The following CCSER2 variants were observed in gnomAD, a reference collection of about 807,000 sequenced individuals.
The protein encoded by CCSER2 is coiled-coil serine rich protein 2, also known as serine-rich coiled-coil domain-containing protein 2.
CCSER2 carries 46 observed loss-of-function variants against 92.3 expected under a neutral mutation model. The ratio of observed to expected loss-of-function variants is 0.50; its 90% CI spans 0.39 to 0.64. The LOEUF (loss-of-function observed/expected upper bound fraction) is 0.64. CCSER2 is among the 30% of genes least tolerant of loss of function. The pLI is 0.00. For missense variants in CCSER2, 1,244 were observed against 1,238.9 expected (o/e 1.00, Z -0.06); for synonymous variants, 433 against 431.4 (o/e 1.00, Z -0.04).
chr10:84,490,071 A>T (rs1010445656), intron 9 of CCSER2, among the ~76,000 whole-genome samples: 3 of 151,986 alleles, frequency 2.0e-5, no homozygotes, highest in Non-Finnish European at 4.4e-5. Context: ...ATTGGCCCCC[A>T]CTCTCTTCTG....
At chr10:84,344,527 A>G (rs1399067261) in intron 1 of CCSER2, among the ~76,000 whole-genome samples, 5 of 151,934 alleles carry the variant, frequency 3.3e-5, no homozygotes, top group African/African-American at 1.2e-4. Flanking sequence ...CTATTTGAGT[A>G]CTCTGTATTA....
intron 3 of CCSER2, among the ~76,000 whole-genome samples, chr10:84,413,787 T>A (rs1564639662): frequency 1.3e-5 from 2 of 152,204 alleles, no homozygotes; most frequent in East Asian, 3.8e-4. Context: ...TGCGTCTCTT[T>A]GTAGGTCTCT....
intron 1 of CCSER2, among the ~76,000 whole-genome samples, chr10:84,340,740 G>A (rs1211887424): frequency 6.6e-6 from 1 of 150,860 alleles, no homozygotes; most frequent in African/African-American, 2.4e-5. Flanking sequence ...CTCCATTAGT[G>A]TTTTCTCTGT....
chr10:84,406,948 G>A (rs1312877250), intron 3 of CCSER2, among the ~76,000 whole-genome samples: 12 of 152,022 alleles, frequency 7.9e-5, no homozygotes. Flanking sequence ...AATGATATCT[G>A]TGATGTCACT....
intron 6 of CCSER2, among the ~76,000 whole-genome samples, chr10:84,447,906 A>C (rs549977118): frequency 6.6e-6 from 1 of 152,082 alleles, no homozygotes; most frequent in East Asian, 1.9e-4. Context: ...TCCTGGGCTC[A>C]ACCGATCCTC....
chr10:84,493,334 TTC>T (rs1336760585), intron 9 of CCSER2, among the ~76,000 whole-genome samples: 1 of 152,210 alleles, frequency 6.6e-6, no homozygotes, highest in African/African-American at 2.4e-5. Flanking sequence ...GTAATTTACC[TTC>T]TCTCTTTTTC....
intron 9 of CCSER2, among the ~76,000 whole-genome samples, chr10:84,504,870 A>C (rs1168476145): frequency 6.6e-6 from 1 of 152,166 alleles, no homozygotes; most frequent in African/African-American, 2.4e-5. Context: ...TGATGTAGTA[A>C]TTTGCTCAGG....
intron 1 of CCSER2, among the ~76,000 whole-genome samples, chr10:84,349,084 G>A (rs1844716671): frequency 6.6e-6 from 1 of 151,744 alleles, no homozygotes; most frequent in Non-Finnish European, 1.5e-5. Context: ...CACCTTTATA[G>A]TATTTCTCCT....
chr10:84,457,621 TA>T (rs1845833756), intron 6 of CCSER2, among the ~76,000 whole-genome samples: 2 of 90,966 alleles, frequency 2.2e-5, no homozygotes, highest in African/African-American at 7.4e-5. Context: ...TATAATTATA[TA>T]TTTATATATT....
At chr10:84,395,388 T>C (rs912198087) in intron 3 of CCSER2, among the ~76,000 whole-genome samples, 2 of 152,214 alleles carry the variant, frequency 1.3e-5, no homozygotes, top group Admixed American at 6.5e-5. Context: ...ATGAGGACAC[T>C]GAAGCTAAGA....
intron 3 of CCSER2, among the ~76,000 whole-genome samples, chr10:84,382,921 G>T (rs1840992200): frequency 6.6e-6 from 1 of 152,254 alleles, no homozygotes; most frequent in East Asian, 1.9e-4. Flanking sequence ...TTTTCATGAG[G>T]CTAACACATT....
rs949564061 is a variant in CCSER2, at chr10:84,514,175, G to T, written c.3052G>T (p.Glu1018Ter). ...SIPRPLTQRKEIMQNPNGNLH... is the reference protein window; with the variant it reads ...SIPRPLTQRK The stretch of plus-strand genomic sequence containing the variant: ...CCCAAGGCCACTAACACAACGAAAA[G>T]AAATCATGCAGAATCCAAATGGCAA... Residue 1018 changes from glutamate to a stop codon, truncating the protein, a stop_gained, in exon 10 of 10, where the codon GAA becomes TAA. Coordinates refer to ENST00000372088, the MANE Select transcript of CCSER2 (RefSeq NM_001284240.2). LOFTEE classifies it high-confidence loss of function. 4 of 1,536,216 alleles carry T rather than the reference G, an allele frequency of 2.6e-6. No individual in the cohort carries two copies. Among genetic ancestry groups the T allele is most frequent in the Non-Finnish European group, 3.5e-6 (4 of 1,146,984 alleles).
At chr10:84,355,085 C>CTCTTAACCCATCTCCCCT (rs1294275513) in intron 1 of CCSER2, among the ~76,000 whole-genome samples, 1 of 151,962 alleles carries the variant, frequency 6.6e-6, no homozygotes, top group African/African-American at 2.4e-5. Flanking sequence ...TGTAACTAAC[C>CTCTTAACCCATCTCCCCT]TCTTAACCCA....
At chr10:84,406,727 T>C (rs1589572643) in intron 3 of CCSER2, among the ~76,000 whole-genome samples, 1 of 152,180 alleles carries the variant, frequency 6.6e-6, no homozygotes, top group Non-Finnish European at 1.5e-5. Flanking sequence ...TCCCAATAAG[T>C]GCAGGACTGC....
chr10:84,342,680 A>G (rs942201670), intron 1 of CCSER2, among the ~76,000 whole-genome samples: 20 of 151,968 alleles, frequency 1.3e-4, no homozygotes, highest in African/African-American at 4.8e-4. Context: ...TTCCAAACAC[A>G]CTTCACACAT....
At chr10:84,376,190 G>A (rs1001956939) in intron 3 of CCSER2, among the ~76,000 whole-genome samples, 1 of 152,094 alleles carries the variant, frequency 6.6e-6, no homozygotes, top group Non-Finnish European at 1.5e-5. Context: ...CATAACACCA[G>A]TCTAGAATCC....
chr10:84,391,742 C>A, intron 3 of CCSER2: 1 of 1,501,740 alleles, frequency 6.7e-7, no homozygotes, highest in Non-Finnish European at 9.3e-7. Flanking sequence ...GGCCCCCATG[C>A]TACAGCAGTA....
chr10:84,453,714 C>T (rs1420178085), intron 6 of CCSER2, among the ~76,000 whole-genome samples: 2 of 152,110 alleles, frequency 1.3e-5, no homozygotes, highest in African/African-American at 4.8e-5. Context: ...CTCAGTTTCT[C>T]CTTTTAATGC....
chr10:84,349,308 C>T (rs935832960), intron 1 of CCSER2, among the ~76,000 whole-genome samples: 1 of 152,204 alleles, frequency 6.6e-6, no homozygotes. Flanking sequence ...TTTGGTTTCT[C>T]TTTTAACTTT....
Sources: allele counts gnomAD v4.1 joint callset (sites outside exome capture counted in the v4.1 genomes callset), GRCh38; gene constraint gnomAD v4.1.1; transcripts MANE v1.5; gene names NCBI Gene and HGNC (gene_info 2026-07-23, HGNC 2026-07-21).